The following SYT10 variants were observed in gnomAD, a reference collection of about 807,000 sequenced individuals.
The protein encoded by SYT10 is synaptotagmin-10.
In SYT10, 31 loss-of-function variants were observed where a neutral mutation model predicts 51.1. That is an observed-to-expected ratio of 0.61 (90% CI 0.46 to 0.82). SYT10 has a LOEUF of 0.82. Ranked by LOEUF, SYT10 falls within the 40% of genes least tolerant of loss-of-function variation. The probability of loss-of-function intolerance (pLI) is 0.00; values close to 1 mark genes in which losing one functional copy is unlikely to be tolerated. For synonymous variants in SYT10, 233 were observed against 225.9 expected (o/e 1.03, Z -0.28); for missense variants, 603 against 634.0 (o/e 0.95, Z 0.53).
At chr12:33,413,962 A>G (rs940779172) in intron 2 of SYT10, among the ~76,000 whole-genome samples, 1 of 152,174 alleles carries the variant, frequency 6.6e-6, no homozygotes, top group Non-Finnish European at 1.5e-5. Context: ...AGACACACAT[A>G]GGCTCAAAGT....
Position 33,426,126 on chromosome 12 carries a change from A to C in SYT10, c.509+12T>G, listed in dbSNP as rs896568043. ...CACACACACCAGTTTTATATATTTA[A>C]TCTTTCCTTACCGGGTTGATGACGT... is the stretch of plus-strand genomic sequence containing the variant. On this transcript the variant is annotated intron_variant, in intron 2 of 6. Transcript: ENST00000228567. 6 of 1,575,890 alleles carry C rather than the reference A, an allele frequency of 3.8e-6. No individual in the cohort carries two copies. Among genetic ancestry groups the C allele is most frequent in the Non-Finnish European group, 4.3e-6 (5 of 1,165,430 alleles).
Position 33,376,542 on chromosome 12 carries a change from A to T in SYT10, c.*288T>A. 2.5e-6 allele frequency: 1 copy of T among 397,602 alleles called. No individual in the cohort carries two copies. The highest frequency in any genetic ancestry group is 4.6e-6 in the Non-Finnish European group (1 of 217,542). The allele number at this position is 397,602 out of a possible 1,614,324, so 24.6% of individuals were successfully genotyped here. On this transcript the variant is annotated 3_prime_UTR_variant, in exon 7 of 7. Transcript: ENST00000228567. Reference sequence around the variant, plus strand: ...GTAAGTATGAACTGTTTAAAAAAACATTTCATATGCAAAGAATTACAACAT... The same window carrying T: ...GTAAGTATGAACTGTTTAAAAAAACTTTTCATATGCAAAGAATTACAACAT...
At position 33,428,633 on chromosome 12, in the gene SYT10, G is replaced by A. The variant is rs190200063; in HGVS notation, c.152-2138C>T. Among the ~76,000 whole-genome samples the A allele has an allele frequency of 2.6e-5, 4 of 152,284 alleles. 1 individual carries two copies. Among genetic ancestry groups the A allele is most frequent in the African/African-American group, 9.6e-5 (4 of 41,558 alleles). ...ATTAAGAAACGACTGGCGGCCAGGC[G>A]CGGTGGCTCCCGCCTGTAATCCCAG... is the stretch of plus-strand genomic sequence containing the variant. On this transcript the variant is annotated intron_variant, in intron 1 of 6. Transcript: ENST00000228567.
Position 33,429,172 on chromosome 12 carries a change from C to A in SYT10, c.152-2677G>T, listed in dbSNP as rs545360249. Among the ~76,000 whole-genome samples the A allele has an allele frequency of 5.9e-5, 9 of 152,280 alleles. No homozygotes were observed. The South Asian group carries it at 1.9e-3, about 32-fold the overall frequency. ...CATAAAAGGTGACAATGGATGAGATCTGAAGCAAAGATCAAAGAATTGGAT... is the reference window on the plus strand; with the variant it reads ...CATAAAAGGTGACAATGGATGAGATATGAAGCAAAGATCAAAGAATTGGAT... On this transcript the variant is annotated intron_variant, in intron 1 of 6. Coordinates refer to ENST00000228567, the MANE Select transcript of SYT10 (RefSeq NM_198992.4).
At chr12:33,390,467 C>A (rs757218652) in intron 3 of SYT10, among the ~76,000 whole-genome samples, 1 of 152,128 alleles carries the variant, frequency 6.6e-6, no homozygotes, top group African/African-American at 2.4e-5. Flanking sequence ...AACTATTTGA[C>A]ATGACACATG....
Position 33,407,149 on chromosome 12 carries a change from G to C in SYT10, c.717C>G (p.Leu239=). The change falls in exon 3 of 7, where the codon CTC becomes CTG. Residue 239 remains leucine, a synonymous_variant. Transcript: ENST00000228567. ...VKICGKLNFT[L]QYDYENELLV... is the part of the protein sequence containing the mutation. ...GAAGTTCATTTTCATAATCATACTG[G>C]AGGGTAAAGTTAAGTTTCCCACAGA... is the stretch of plus-strand genomic sequence containing the variant. The C allele has an allele frequency of 6.2e-7, 1 of 1,614,044 alleles. No homozygotes were observed. Among genetic ancestry groups the C allele is most frequent in the Admixed American group, 1.7e-5 (1 of 60,008 alleles).
chr12:33,381,320 C>A lies in SYT10; in HGVS notation c.1370+1029G>T, dbSNP rs531381624. Reference sequence around the variant, plus strand: ...CCCCTAGCTCTAAGCCAGAGGAGAGCACATTAATATCTCTCAGTTACAGGG... The same window carrying A: ...CCCCTAGCTCTAAGCCAGAGGAGAGAACATTAATATCTCTCAGTTACAGGG... On this transcript the variant is annotated intron_variant, in intron 5 of 6. Transcript: ENST00000228567. Among the ~76,000 whole-genome samples the A allele has an allele frequency of 6.4e-4, 97 of 152,188 alleles. 1 individual carries two copies. The highest frequency in any genetic ancestry group is 2.2e-3 in the African/African-American group (91 of 41,518).
At chr12:33,429,427 G>A (rs1186062368) in intron 1 of SYT10, among the ~76,000 whole-genome samples, 1 of 152,170 alleles carries the variant, frequency 6.6e-6, no homozygotes, top group Non-Finnish European at 1.5e-5. Context: ...AACTTGAATA[G>A]GAAAACATTA....
In SYT10 at chr12:33,376,155, T is replaced by TC. The variant is rs1565709182; in HGVS notation, c.*674dup. ...AAATGGTAGCCACAATGGCTCAGCC[T>TC]CCGTTTTTCAGCCAATAAGTATTAC... is the stretch of plus-strand genomic sequence containing the variant. On this transcript the variant is annotated 3_prime_UTR_variant, in exon 7 of 7. Coordinates refer to ENST00000228567, the MANE Select transcript of SYT10 (RefSeq NM_198992.4). 6.6e-6 allele frequency: 1 copy of TC among 152,218 alleles called. No individual in the cohort carries two copies. The highest frequency in any genetic ancestry group is 1.5e-5 in the Non-Finnish European group (1 of 68,042). 9.4% of individuals were successfully genotyped at this position (152,218 alleles called of 1,614,324 possible).
chr12:33,433,503 G>A (rs1367981203), intron 1 of SYT10, among the ~76,000 whole-genome samples: 1 of 152,010 alleles, frequency 6.6e-6, no homozygotes, highest in Non-Finnish European at 1.5e-5. Flanking sequence ...CATATGAAAG[G>A]AACTATATTT....
intron 3 of SYT10, among the ~76,000 whole-genome samples, chr12:33,406,174 T>G (rs1325391802): frequency 1.3e-5 from 2 of 152,118 alleles, no homozygotes; most frequent in Admixed American, 1.3e-4. Flanking sequence ...GTACTAAAGT[T>G]GGTATTATTT....
At chr12:33,400,026 T>C (rs1866288486) in intron 3 of SYT10, among the ~76,000 whole-genome samples, 1 of 152,166 alleles carries the variant, frequency 6.6e-6, no homozygotes, top group Admixed American at 6.5e-5. Context: ...ATACTGACTG[T>C]TACACCCCAG....
At chr12:33,381,422 C>A in intron 5 of SYT10, among the ~76,000 whole-genome samples, 1 of 152,258 alleles carries the variant, frequency 6.6e-6, no homozygotes. Context: ...TACTAAGGTA[C>A]TGTTTATGTG....
intron 3 of SYT10, among the ~76,000 whole-genome samples, chr12:33,402,592 GTCTT>G (rs1406433938): frequency 6.6e-6 from 1 of 152,120 alleles, no homozygotes; most frequent in Non-Finnish European, 1.5e-5. Flanking sequence ...TATTTTACCA[GTCTT>G]TCTTTCAATT....
chr12:33,422,100 A>C (rs1866510492), intron 2 of SYT10, among the ~76,000 whole-genome samples: 1 of 150,084 alleles, frequency 6.7e-6, no homozygotes, highest in South Asian at 2.1e-4. Context: ...AAAAAAAAAA[A>C]CTTAAAAAAA....
intron 1 of SYT10, among the ~76,000 whole-genome samples, chr12:33,429,263 A>G (rs907029086): frequency 2.6e-5 from 4 of 152,238 alleles, no homozygotes; most frequent in African/African-American, 7.2e-5. Flanking sequence ...GTCTCGAGGC[A>G]GGAAGTCAAG....
chr12:33,399,541 C>A (rs1426151318), intron 3 of SYT10, among the ~76,000 whole-genome samples: 1 of 152,176 alleles, frequency 6.6e-6, no homozygotes. Flanking sequence ...ACTGATCAGA[C>A]AACAAAACCT....
intron 3 of SYT10, among the ~76,000 whole-genome samples, chr12:33,391,762 TG>T: frequency 6.6e-6 from 1 of 152,336 alleles, no homozygotes; most frequent in East Asian, 1.9e-4. Flanking sequence ...TTTTCTTTTT[TG>T]CTCAAAACCA....
intron 3 of SYT10, among the ~76,000 whole-genome samples, chr12:33,404,230 T>C (rs564543601): frequency 6.6e-6 from 1 of 152,148 alleles, no homozygotes; most frequent in East Asian, 1.9e-4. Flanking sequence ...TTTCCTAGAT[T>C]ACCCACTGGG....
Sources: allele counts gnomAD v4.1 joint callset (sites outside exome capture counted in the v4.1 genomes callset), GRCh38; gene constraint gnomAD v4.1.1; transcripts MANE v1.5; gene names NCBI Gene and HGNC (gene_info 2026-07-23, HGNC 2026-07-21).